Variants in ANKRD6 observed in about 807,000 individuals in gnomAD.
ANKRD6 encodes ankyrin repeat domain-containing protein 6.
A neutral mutation model predicts 82.3 loss-of-function variants in ANKRD6; 56 were observed. That is an observed-to-expected ratio of 0.68 (90% CI 0.55 to 0.85). ANKRD6 has a LOEUF of 0.85. Ranked by LOEUF, ANKRD6 falls within the 40% of genes least tolerant of loss-of-function variation. The pLI, the probability that ANKRD6 is intolerant of heterozygous loss-of-function variation, is 0.00. For synonymous variants in ANKRD6, 347 were observed against 352.1 expected (o/e 0.99, Z 0.16); for missense variants, 852 against 907.6 (o/e 0.94, Z 0.79).
rs1774911846 is a variant in ANKRD6, at chr6:89,466,929, A to G, written c.-144+33554A>G. ...ATCTTGTTTTCCAGGCTGGTCTTAAACTCCTGAGCTCAAGTTATTCTCCCA... is the reference window on the plus strand; with the variant it reads ...ATCTTGTTTTCCAGGCTGGTCTTAAGCTCCTGAGCTCAAGTTATTCTCCCA... On this transcript the variant is annotated intron_variant, in intron 1 of 15. Transcript: ENST00000339746. Among the ~76,000 whole-genome samples, 3 of 152,012 alleles carry G rather than the reference A, an allele frequency of 2.0e-5. No homozygotes were observed. In the South Asian group the frequency reaches 6.3e-4, roughly 32 times the overall value.
At chr6:89,617,666 A>G (rs7742602) in intron 8 of ANKRD6, among the ~76,000 whole-genome samples, 33,591 of 152,094 alleles carry the variant, frequency 0.22, 4,097 homozygotes, top group South Asian at 0.34. Context: ...GGTGGGTGGT[A>G]CCCAGGCCTT....
chr6:89,547,082 T>C (rs1785189762), intron 1 of ANKRD6, among the ~76,000 whole-genome samples: 1 of 152,160 alleles, frequency 6.6e-6, no homozygotes, highest in Non-Finnish European at 1.5e-5. Context: ...CACCTCGGCC[T>C]CCCAAAGTGC....
At chr6:89,618,160 A>C (rs1348756723) in intron 9 of ANKRD6, 129 bp downstream of exon 9, 1 of 993,038 alleles carries the variant, frequency 1.0e-6, no homozygotes, top group Non-Finnish European at 1.6e-6. Flanking sequence ...CAGTGGAGGT[A>C]TAGGCATGCA....
At chr6:89,471,267 G>A (rs1218046516) in intron 1 of ANKRD6, among the ~76,000 whole-genome samples, 5 of 150,674 alleles carry the variant, frequency 3.3e-5, no homozygotes, top group African/African-American at 7.3e-5. Context: ...CAGGAGAATC[G>A]CTTGAACTTG....
At chr6:89,543,097 G>A (rs1204260748) in intron 1 of ANKRD6, among the ~76,000 whole-genome samples, 1 of 152,204 alleles carries the variant, frequency 6.6e-6, no homozygotes. Flanking sequence ...GATTTAGGTT[G>A]CCAAATGTGG....
At chr6:89,539,940 G>T (rs1273662123) in intron 1 of ANKRD6, among the ~76,000 whole-genome samples, 8 of 150,974 alleles carry the variant, frequency 5.3e-5, no homozygotes, top group African/African-American at 9.7e-5. Context: ...TACTTAACAT[G>T]ATGATCTCCA....
intron 8 of ANKRD6, 35 bp from the exon 9 acceptor site, chr6:89,617,918 GC>G (rs748072331): frequency 6.2e-7 from 1 of 1,601,638 alleles, no homozygotes; most frequent in Admixed American, 1.7e-5. Flanking sequence ...GGGACCCGTG[GC>G]CCTTTCTCAC....
chr6:89,461,939 A>G (rs1296359435), intron 1 of ANKRD6, among the ~76,000 whole-genome samples: 1 of 152,120 alleles, frequency 6.6e-6, no homozygotes, highest in African/African-American at 2.4e-5. Context: ...GCTAGTTTTA[A>G]AAGTGAAATG....
chr6:89,473,338 C>T (rs1165012617), intron 1 of ANKRD6, among the ~76,000 whole-genome samples: 3 of 149,620 alleles, frequency 2.0e-5, no homozygotes, highest in East Asian at 2.0e-4. Context: ...TTTAACCTGG[C>T]GGTGGAGTGA....
chr6:89,571,579 AT>A (rs138339811), intron 2 of ANKRD6, among the ~76,000 whole-genome samples: 3,134 of 152,012 alleles, frequency 0.021, 39 homozygotes, highest in African/African-American at 0.043. Context: ...GATTTGCAAC[AT>A]TTTTTCTCAT....
At chr6:89,543,848 T>G (rs1383228201) in intron 1 of ANKRD6, among the ~76,000 whole-genome samples, 3 of 152,224 alleles carry the variant, frequency 2.0e-5, no homozygotes, top group Non-Finnish European at 4.4e-5. Flanking sequence ...GTCAAAGAAC[T>G]CCGGTTGCCA....
chr6:89,527,866 A>G (rs1017952503), intron 1 of ANKRD6, among the ~76,000 whole-genome samples: 7 of 152,086 alleles, frequency 4.6e-5, no homozygotes, highest in African/African-American at 1.7e-4. Flanking sequence ...CGGGAGTATA[A>G]TAGCGCAATC....
At chr6:89,441,328 T>C (rs1771347874) in intron 1 of ANKRD6, among the ~76,000 whole-genome samples, 1 of 152,074 alleles carries the variant, frequency 6.6e-6, no homozygotes, top group Non-Finnish European at 1.5e-5. Context: ...CTTTTTTATA[T>C]TTTTAGTACA....
rs1313506334 is a variant in ANKRD6, at chr6:89,631,022, T to C, written c.*18T>C. 1 of 1,483,480 alleles carries C rather than the reference T, an allele frequency of 6.7e-7. No homozygotes were observed. The highest frequency in any genetic ancestry group is 2.6e-5 in the Admixed American group (1 of 38,276). The allele number at this position is 1,483,480 out of a possible 1,614,324, so 91.9% of individuals were successfully genotyped here. On this transcript the variant is annotated 3_prime_UTR_variant, in exon 16 of 16. Coordinates refer to ENST00000339746, the MANE Select transcript of ANKRD6 (RefSeq NM_001242809.2). ...AAAATTAGCACCAATAAAGAGGAAA[T>C]ATGAAAGGATTCTTGAAGATTTCCA...
intron 2 of ANKRD6, among the ~76,000 whole-genome samples, chr6:89,583,826 C>T (rs1337334723): frequency 6.6e-6 from 1 of 152,206 alleles, no homozygotes; most frequent in Non-Finnish European, 1.5e-5. Context: ...TTCTCAGTGG[C>T]AGTGAAGGCA....
At chr6:89,503,941 T>C (rs1260225622) in intron 1 of ANKRD6, among the ~76,000 whole-genome samples, 1 of 151,986 alleles carries the variant, frequency 6.6e-6, no homozygotes, top group Non-Finnish European at 1.5e-5. Context: ...GGAGGTGATG[T>C]AATCAGAGAG....
intron 1 of ANKRD6, among the ~76,000 whole-genome samples, chr6:89,528,090 C>G (rs917206641): frequency 2.0e-4 from 30 of 152,350 alleles, no homozygotes; most frequent in African/African-American, 7.2e-4. Context: ...GGATTACAGG[C>G]ATGAGCCCCA....
chr6:89,441,148 G>A (rs1399380565), intron 1 of ANKRD6, among the ~76,000 whole-genome samples: 1 of 152,024 alleles, frequency 6.6e-6, no homozygotes, highest in African/African-American at 2.4e-5. Flanking sequence ...ACAAGTTACC[G>A]AATGTATCTT....
intron 1 of ANKRD6, among the ~76,000 whole-genome samples, chr6:89,461,438 A>G (rs947211683): frequency 5.9e-5 from 9 of 152,176 alleles, no homozygotes; most frequent in Admixed American, 3.3e-4. Context: ...CGCTGTTTGT[A>G]GGAAGTTATG....
Sources: allele counts gnomAD v4.1 joint callset (sites outside exome capture counted in the v4.1 genomes callset), GRCh38; gene constraint gnomAD v4.1.1; transcripts MANE v1.5; gene names NCBI Gene and HGNC (gene_info 2026-07-23, HGNC 2026-07-21).